ADIPOR2: variants seen among roughly 807,000 people sequenced by gnomAD.
ADIPOR2 encodes adiponectin receptor 2, also known as adiponectin receptor protein 2.
ADIPOR2 carries 18 observed loss-of-function variants against 40.9 expected under a neutral mutation model. That is an observed-to-expected ratio of 0.44 (90% CI 0.30 to 0.65). The LOEUF is 0.65. Among genes scored for constraint, ADIPOR2 ranks in the 30% least tolerant of loss-of-function variants. ADIPOR2 has a pLI of 0.09. For missense variants in ADIPOR2, 283 were observed against 479.2 expected, an observed-to-expected ratio of 0.59 and a Z score of 3.82; for synonymous variants, 165 against 166.4, an observed-to-expected ratio of 0.99 and a Z score of 0.06.
At chr12:1,726,181 G>T (rs934863470) in intron 1 of ADIPOR2, among the ~76,000 whole-genome samples, 3 of 152,110 alleles carry the variant, frequency 2.0e-5, no homozygotes, top group Admixed American at 1.3e-4. Context: ...GGGAAGTGAA[G>T]TATAAGCAAT....
chr12:1,776,153 A>C (rs1862589606), intron 3 of ADIPOR2, among the ~76,000 whole-genome samples: 1 of 152,180 alleles, frequency 6.6e-6, no homozygotes, highest in African/African-American at 2.4e-5. Flanking sequence ...ATCTGTTCTT[A>C]AATTGTTAGT....
At chr12:1,705,776 G>T (rs1201767024) in intron 1 of ADIPOR2, among the ~76,000 whole-genome samples, 1 of 152,160 alleles carries the variant, frequency 6.6e-6, no homozygotes, top group African/African-American at 2.4e-5. Flanking sequence ...CATTGTTTTT[G>T]TAGCTTTGAC....
At chr12:1,752,494 T>C (rs947223621) in intron 1 of ADIPOR2, among the ~76,000 whole-genome samples, 1 of 152,142 alleles carries the variant, frequency 6.6e-6, no homozygotes, top group Non-Finnish European at 1.5e-5. Flanking sequence ...TCTTGTGATA[T>C]AAACCAACTA....
intron 2 of ADIPOR2, among the ~76,000 whole-genome samples, chr12:1,765,570 T>G (rs1461535062): frequency 6.6e-6 from 1 of 152,226 alleles, no homozygotes. Flanking sequence ...TAATTGTTAC[T>G]CTGTCCTTCC....
At chr12:1,773,053 G>A in intron 3 of ADIPOR2, 92 bp downstream of exon 3, 1 of 1,431,988 alleles carries the variant, frequency 7.0e-7, no homozygotes, top group Non-Finnish European at 9.3e-7. Context: ...TATAGCCTTT[G>A]GTTTGCTTTG....
intron 1 of ADIPOR2, among the ~76,000 whole-genome samples, chr12:1,723,975 A>T (rs555605972): frequency 1.3e-5 from 2 of 152,232 alleles, no homozygotes; most frequent in African/African-American, 4.8e-5. Context: ...TATACATACA[A>T]AATGGAATCT....
Position 1,787,457 on chromosome 12 carries a change from TA to T in ADIPOR2, c.*1388del, listed in dbSNP as rs1298262940. ...CAGGGATAAGAGTGGTGTGGCATTT[TA>T]AATACAATGGTATGTTATTGCCAGG... On this transcript the variant is annotated 3_prime_UTR_variant, in exon 8 of 8. Coordinates refer to ENST00000357103, the MANE Select transcript of ADIPOR2 (RefSeq NM_024551.3). 3 of 152,228 alleles carry T rather than the reference TA, an allele frequency of 2.0e-5. No homozygotes were observed. Among genetic ancestry groups the T allele is most frequent in the African/African-American group, 4.8e-5 (2 of 41,462 alleles). 9.4% of individuals were successfully genotyped at this position (152,228 alleles called of 1,614,324 possible).
intron 2 of ADIPOR2, among the ~76,000 whole-genome samples, chr12:1,765,339 T>A (rs1480796486): frequency 6.6e-6 from 1 of 152,174 alleles, no homozygotes; most frequent in Non-Finnish European, 1.5e-5. Context: ...ATTTTTGAAG[T>A]AATTAGCCAA....
intron 2 of ADIPOR2, among the ~76,000 whole-genome samples, chr12:1,770,508 G>T (rs1452811806): frequency 6.6e-6 from 1 of 152,056 alleles, no homozygotes; most frequent in Non-Finnish European, 1.5e-5. Flanking sequence ...ATCATTTCAA[G>T]CTATTGCCCG....
chr12:1,781,166 T>C (rs544523069), intron 6 of ADIPOR2, 90 bp downstream of exon 6: 1 of 1,337,214 alleles, frequency 7.5e-7, no homozygotes, highest in African/African-American at 1.5e-5. Context: ...TGCCAAACAT[T>C]ATGCTGTGTA....
intron 2 of ADIPOR2, among the ~76,000 whole-genome samples, chr12:1,766,499 A>G (rs1241308686): frequency 1.3e-5 from 2 of 152,170 alleles, no homozygotes; most frequent in Admixed American, 1.3e-4. Flanking sequence ...TATCAGTTTC[A>G]AATTTTGTGT....
chr12:1,779,737 G>A (rs1441986768), intron 4 of ADIPOR2, among the ~76,000 whole-genome samples: 1 of 152,216 alleles, frequency 6.6e-6, no homozygotes, highest in African/African-American at 2.4e-5. Flanking sequence ...AATCAAGTTT[G>A]TTGCTGACTT....
intron 1 of ADIPOR2, among the ~76,000 whole-genome samples, chr12:1,741,080 A>C (rs998016192): frequency 6.6e-6 from 1 of 152,188 alleles, no homozygotes; most frequent in African/African-American, 2.4e-5. Context: ...AGGGAGCTTT[A>C]TAAGTTGAGG....
intron 1 of ADIPOR2, among the ~76,000 whole-genome samples, chr12:1,751,822 G>A (rs1161250851): frequency 6.6e-6 from 1 of 150,638 alleles, no homozygotes; most frequent in Non-Finnish European, 1.5e-5. Context: ...GCCCGCCTGA[G>A]CGTGCGTTTA....
chr12:1,692,537 T>C (rs1186308201), intron 1 of ADIPOR2, among the ~76,000 whole-genome samples: 1 of 152,210 alleles, frequency 6.6e-6, no homozygotes, highest in Non-Finnish European at 1.5e-5. Context: ...TAACTGTCTG[T>C]CCTCCAGTAT....
chr12:1,702,697 A>G (rs893929879), intron 1 of ADIPOR2, among the ~76,000 whole-genome samples: 2 of 152,184 alleles, frequency 1.3e-5, no homozygotes, highest in Admixed American at 6.5e-5. Flanking sequence ...TGTTAAGTGA[A>G]TTGCAACTGT....
chr12:1,699,381 G>T (rs192288400), intron 1 of ADIPOR2, among the ~76,000 whole-genome samples: 1 of 152,146 alleles, frequency 6.6e-6, no homozygotes, highest in African/African-American at 2.4e-5. Flanking sequence ...ACTTTGGGAC[G>T]CCAAGGTGGG....
At chr12:1,697,055 A>G (rs2094640653) in intron 1 of ADIPOR2, 1 of 152,276 alleles carries the variant, frequency 6.6e-6, no homozygotes, top group Admixed American at 6.5e-5. Flanking sequence ...GTGCAGCAGC[A>G]GAAACTTTTG....
chr12:1,783,904 G>A lies in ADIPOR2; in HGVS notation c.863G>A (p.Ser288Asn). The A allele has an allele frequency of 6.2e-7, 1 of 1,610,794 alleles. No homozygotes were observed. Among genetic ancestry groups the A allele is most frequent in the Non-Finnish European group, 8.5e-7 (1 of 1,178,250 alleles). Reference sequence around the variant, plus strand: ...GGAGTGTTTTTGGGCCTAGGCCTGAGTGGAATCATTCCTACCTTGCACTAT... The same window carrying A: ...GGAGTGTTTTTGGGCCTAGGCCTGAATGGAATCATTCCTACCTTGCACTAT... ...RAGVFLGLGL[S>N]GIIPTLHYVI... The change falls in exon 7 of 8, where the codon AGT (serine) becomes AAT (asparagine). Residue 288 changes from serine to asparagine, a missense_variant. Physicochemically the swap from Ser to Asn is conservative, Grantham distance 46 (BLOSUM62 1). This residue lies in a region of ADIPOR2 where 106 missense variants were observed against 149.7 expected (regional missense o/e 0.71). Transcript: ENST00000357103.
Sources: allele counts gnomAD v4.1 joint callset (sites outside exome capture counted in the v4.1 genomes callset), GRCh38; gene constraint gnomAD v4.1.1; regional missense constraint gnomAD v4.1.1; transcripts MANE v1.5; gene names NCBI Gene and HGNC (gene_info 2026-07-23, HGNC 2026-07-21).